Variants in GRIK2 observed in about 807,000 individuals in gnomAD.
GRIK2 encodes the protein glutamate receptor ionotropic, kainate 2.
In GRIK2, 32 loss-of-function variants were observed where a neutral mutation model predicts 100.3. The ratio of observed to expected loss-of-function variants is 0.32; its 90% confidence interval spans 0.24 to 0.43. The LOEUF is 0.43. GRIK2 is among the 20% of genes least tolerant of loss of function. GRIK2 has a pLI of 1.00. For synonymous variants in GRIK2, 417 were observed against 389.4 expected, an observed-to-expected ratio of 1.07 and a Z score of -0.83; for missense variants, 843 against 1,114.9, an observed-to-expected ratio of 0.76 and a Z score of 3.47.
chr6:101,491,664 A>G (rs1008779389), intron 2 of GRIK2, among the ~76,000 whole-genome samples: 1 of 151,994 alleles, frequency 6.6e-6, no homozygotes, highest in Non-Finnish European at 1.5e-5. Flanking sequence ...AGTTGTTGAC[A>G]TCATGATGGT....
intron 7 of GRIK2, among the ~76,000 whole-genome samples, chr6:101,747,626 CAATATT>C (rs1476446194): frequency 2.0e-5 from 3 of 151,994 alleles, no homozygotes; most frequent in Admixed American, 2.0e-4. Flanking sequence ...TTTATTGAGT[CAATATT>C]AATATATTTC....
intron 15 of GRIK2, among the ~76,000 whole-genome samples, chr6:102,043,572 C>T (rs1001710948): frequency 5.3e-5 from 8 of 151,764 alleles, no homozygotes; most frequent in Non-Finnish European, 7.4e-5. Context: ...TCTAGGTTGT[C>T]GCAAATGACA....
chr6:101,828,879 T>C lies in GRIK2; in HGVS notation c.1317+10396T>C, dbSNP rs75351009. ...GATCCTACTGAGATTATTCCAAAAA[T>C]TTGAGGTGGAAGGACTCTTCCCTAA... On this transcript the variant is annotated intron_variant, in intron 10 of 16. Transcript: ENST00000369134. Among the ~76,000 whole-genome samples, 719 of 151,942 alleles carry C rather than the reference T, an allele frequency of 4.7e-3. 5 individuals carry two copies. Among genetic ancestry groups the C allele is most frequent in the African/African-American group, 0.016 (665 of 41,532 alleles).
Position 101,994,711 on chromosome 6 carries a change from A to T in GRIK2, c.2086-40630A>T, listed in dbSNP as rs562167638. On this transcript the variant is annotated intron_variant, in intron 14 of 16. Transcript: ENST00000369134. Reference sequence around the variant, plus strand: ...GACCATCTGTGCTTTGTCTTTTTCCATTAGAGCTAGGATGAACATATGCCC... The same window carrying T: ...GACCATCTGTGCTTTGTCTTTTTCCTTTAGAGCTAGGATGAACATATGCCC... Among the ~76,000 whole-genome samples the T allele has an allele frequency of 2.0e-5, 3 of 151,986 alleles. No individual in the cohort carries two copies. The South Asian group carries it at 6.2e-4, about 32-fold the overall frequency.
chr6:101,926,695 A>G (rs929895792), intron 13 of GRIK2, among the ~76,000 whole-genome samples: 3 of 152,136 alleles, frequency 2.0e-5, no homozygotes, highest in African/African-American at 7.2e-5. Context: ...AGAGGAACCC[A>G]TACTATTCTG....
At chr6:101,681,404 A>ATTTTTTTTTTTT (rs149557882) in intron 5 of GRIK2, among the ~76,000 whole-genome samples, 2 of 111,956 alleles carry the variant, frequency 1.8e-5, no homozygotes, top group Admixed American at 9.5e-5. Flanking sequence ...TTTCTTTTCT[A>ATTTTTTTTTTTT]TTTTTTTTTT....
intron 14 of GRIK2, among the ~76,000 whole-genome samples, chr6:102,025,860 T>C (rs945293415): frequency 1.3e-5 from 2 of 150,890 alleles, no homozygotes; most frequent in African/African-American, 4.9e-5. Flanking sequence ...GAATGAATAA[T>C]CTAGTGAATT....
intron 14 of GRIK2, among the ~76,000 whole-genome samples, chr6:102,018,297 T>C (rs1769230689): frequency 2.0e-5 from 3 of 152,104 alleles, no homozygotes; most frequent in Admixed American, 1.3e-4. Flanking sequence ...ACTGGAATTG[T>C]GTATTTCCCT....
At chr6:101,909,371 G>GTTTTTTTTTTTTTGTTTTTTT (rs370241149) in intron 12 of GRIK2, among the ~76,000 whole-genome samples, 1 of 83,528 alleles carries the variant, frequency 1.2e-5, no homozygotes. Flanking sequence ...GGAAGATAGG[G>GTTTTTTTTTTTTTGTTTTTTT]TTTTCTTTTT....
chr6:101,674,305 G>C (rs1265094551), intron 4 of GRIK2, among the ~76,000 whole-genome samples: 1 of 152,144 alleles, frequency 6.6e-6, no homozygotes, highest in Middle Eastern at 3.2e-3. Flanking sequence ...ATTCTAAATT[G>C]GTTGTTTAGA....
At chr6:101,903,054 G>C (rs941620301) in intron 12 of GRIK2, among the ~76,000 whole-genome samples, 1 of 151,772 alleles carries the variant, frequency 6.6e-6, no homozygotes, top group African/African-American at 2.4e-5. Flanking sequence ...CCCATTGAAA[G>C]GCCAGGCATT....
At chr6:101,674,561 A>G (rs1770687212) in intron 4 of GRIK2, among the ~76,000 whole-genome samples, 1 of 152,220 alleles carries the variant, frequency 6.6e-6, no homozygotes, top group Non-Finnish European at 1.5e-5. Flanking sequence ...AGGTATTACA[A>G]GTTCAAGTAC....
rs559711278 is a variant in GRIK2, at chr6:101,775,886, C to A, written c.952-23762C>A. Among the ~76,000 whole-genome samples, 10 of 151,976 alleles carry A rather than the reference C, an allele frequency of 6.6e-5. No individual in the cohort carries two copies. The South Asian group carries it at 1.5e-3, about 22-fold the overall frequency. ...CCACCCAGGCTGGAGTGCAGTGGCA[C>A]TATCTTGGCTCACTAAAAATTCATA... On this transcript the variant is annotated intron_variant, in intron 7 of 16. Coordinates refer to ENST00000369134, the MANE Select transcript of GRIK2 (RefSeq NM_021956.5).
chr6:102,010,728 T>C (rs1389270733), intron 14 of GRIK2, among the ~76,000 whole-genome samples: 2 of 151,892 alleles, frequency 1.3e-5, no homozygotes, highest in Non-Finnish European at 2.9e-5. Flanking sequence ...TTTTTTTTAA[T>C]GACTCCATAG....
At chr6:101,842,035 A>G (rs988094606) in intron 10 of GRIK2, among the ~76,000 whole-genome samples, 4 of 152,136 alleles carry the variant, frequency 2.6e-5, no homozygotes, top group Non-Finnish European at 5.9e-5. Flanking sequence ...ATAATGAATA[A>G]CTTGAAGTTT....
chr6:101,928,723 A>T, intron 14 of GRIK2, 91 bp downstream of exon 14: 1 of 707,084 alleles, frequency 1.4e-6, no homozygotes, highest in Non-Finnish European at 2.6e-6. Flanking sequence ...TAACAACGCC[A>T]TTATTTGTGC....
Position 102,025,943 on chromosome 6 carries a change from C to T in GRIK2, c.2086-9398C>T, listed in dbSNP as rs896259750. ...AGTCTCCTCACCTGAAAAGGCCTGG[C>T]GTTAAGGGCCATGTTGGTTAAAGCT... is the stretch of plus-strand genomic sequence containing the variant. On this transcript the variant is annotated intron_variant, in intron 14 of 16. Transcript: ENST00000369134. Among the ~76,000 whole-genome samples the T allele has an allele frequency of 6.0e-5, 9 of 150,370 alleles. No individual in the cohort carries two copies. In the East Asian group the frequency reaches 9.8e-4, roughly 16 times the overall value.
At chr6:101,558,924 C>A (rs1018229230) in intron 2 of GRIK2, among the ~76,000 whole-genome samples, 1 of 152,060 alleles carries the variant, frequency 6.6e-6, no homozygotes, top group Non-Finnish European at 1.5e-5. Flanking sequence ...AAAAATAAAA[C>A]AGATCACCGT....
chr6:101,710,290 C>A (rs1482323594), intron 7 of GRIK2, among the ~76,000 whole-genome samples: 1 of 151,770 alleles, frequency 6.6e-6, no homozygotes. Context: ...CAGAAGCCTG[C>A]ATTCTAGTTG....
Sources: gnomAD v4.1 joint callset for allele counts (sites outside exome capture counted in the v4.1 genomes callset) on GRCh38, gnomAD v4.1.1 for gene constraint, MANE v1.5 for transcripts, NCBI Gene and HGNC (gene_info 2026-07-23, HGNC 2026-07-21) for gene names.